GMDS: variants seen among roughly 807,000 people sequenced by gnomAD.
GMDS encodes the protein GDP-mannose 4,6 dehydratase.
A neutral mutation model predicts 49.9 loss-of-function variants in GMDS; 20 were observed. The ratio of observed to expected loss-of-function variants is 0.40; its 90% CI spans 0.28 to 0.58. GMDS has a LOEUF of 0.58. Ranked by LOEUF, GMDS falls within the 20% of genes least tolerant of loss-of-function variation. The probability of loss-of-function intolerance (pLI) is 0.42; values close to 1 mark genes in which losing one functional copy is unlikely to be tolerated. For missense variants in GMDS, 362 were observed against 481.4 expected, an observed-to-expected ratio of 0.75 and a Z score of 2.32; for synonymous variants, 177 against 178.6, an observed-to-expected ratio of 0.99 and a Z score of 0.07.
At chr6:1,645,504 T>C (rs987099200) in intron 9 of GMDS, among the ~76,000 whole-genome samples, 17 of 152,232 alleles carry the variant, frequency 1.1e-4, no homozygotes, top group Non-Finnish European at 2.4e-4. Context: ...CCTGTCCTCC[T>C]GGAGGTCCGG....
At chr6:1,907,935 C>A (rs1308421923) in intron 7 of GMDS, among the ~76,000 whole-genome samples, 1 of 152,190 alleles carries the variant, frequency 6.6e-6, no homozygotes, top group East Asian at 1.9e-4. Context: ...CCCATGCATA[C>A]ATATCCACGA....
chr6:2,030,749 G>A (rs954852961), intron 4 of GMDS, among the ~76,000 whole-genome samples: 1 of 152,144 alleles, frequency 6.6e-6, no homozygotes, highest in African/African-American at 2.4e-5. Context: ...GTGTGCGCTA[G>A]ATAAACATAG....
At chr6:1,639,367 T>TTTTCCCTG (rs1763258463) in intron 9 of GMDS, among the ~76,000 whole-genome samples, 1 of 152,136 alleles carries the variant, frequency 6.6e-6, no homozygotes, top group Non-Finnish European at 1.5e-5. Context: ...CCAGAGAAGA[T>TTTTCCCTG]ATTCCCTGAG....
intron 7 of GMDS, among the ~76,000 whole-genome samples, chr6:1,910,261 A>T (rs1238712312): frequency 6.8e-6 from 1 of 147,082 alleles, no homozygotes; most frequent in Middle Eastern, 3.5e-3. Flanking sequence ...TGGTATGTTT[A>T]AAAAAAAAAA....
chr6:2,131,755 C>T (rs564905353), intron 1 of GMDS, among the ~76,000 whole-genome samples: 250 of 151,386 alleles, frequency 1.7e-3, no homozygotes, highest in African/African-American at 5.2e-3. Context: ...CTCATCACTA[C>T]GTGAATACAA....
chr6:1,686,480 C>T (rs1764980013), intron 9 of GMDS, among the ~76,000 whole-genome samples: 1 of 152,180 alleles, frequency 6.6e-6, no homozygotes, highest in Non-Finnish European at 1.5e-5. Context: ...TCATTCTCTG[C>T]AAAACATTTT....
At chr6:1,891,239 T>G (rs1438484026) in intron 7 of GMDS, among the ~76,000 whole-genome samples, 1 of 152,202 alleles carries the variant, frequency 6.6e-6, no homozygotes, top group Non-Finnish European at 1.5e-5. Context: ...TGTCATTATA[T>G]CAAATCAAAT....
intron 7 of GMDS, among the ~76,000 whole-genome samples, chr6:1,750,908 A>C (rs1464865762): frequency 2.0e-5 from 3 of 152,112 alleles, no homozygotes; most frequent in Admixed American, 6.5e-5. Flanking sequence ...GCCATTACTG[A>C]GGCTTGAGTA....
chr6:1,657,871 A>AAG (rs1554104757), intron 9 of GMDS, among the ~76,000 whole-genome samples: 1 of 44,138 alleles, frequency 2.3e-5, no homozygotes, highest in East Asian at 4.2e-4. Flanking sequence ...AAAAAAAAAG[A>AAG]AAAAGAAAAT....
At position 2,037,986 on chromosome 6, in the gene GMDS, AAT is replaced by A. The variant is rs201807451; in HGVS notation, c.346-77022_346-77021del. 2.8e-3 allele frequency among the ~76,000 whole-genome samples: 430 copies of A among 152,324 alleles called. 1 individual carries two copies. The highest frequency in any genetic ancestry group is 9.0e-3 in the African/African-American group (376 of 41,574). On this transcript the variant is annotated intron_variant, in intron 4 of 10. Transcript: ENST00000380815. ...AAACATTTTAACTATTCCCTGCCACAATATCTCCAGTTTACCTGCCTTGGTAC... is the reference window on the plus strand; with the variant it reads ...AAACATTTTAACTATTCCCTGCCACAATCTCCAGTTTACCTGCCTTGGTAC...
intron 4 of GMDS, among the ~76,000 whole-genome samples, chr6:2,026,355 C>T (rs1289319489): frequency 6.6e-6 from 1 of 152,180 alleles, no homozygotes; most frequent in Non-Finnish European, 1.5e-5. Context: ...TCCCAGTCCT[C>T]ACACAAGTAT....
intron 4 of GMDS, among the ~76,000 whole-genome samples, chr6:2,062,891 G>T (rs1771274655): frequency 6.6e-6 from 1 of 152,232 alleles, no homozygotes; most frequent in Non-Finnish European, 1.5e-5. Context: ...CCTATAAAAT[G>T]AAGCTAGTAA....
chr6:1,682,071 A>G (rs897484993), intron 9 of GMDS, among the ~76,000 whole-genome samples: 14 of 152,032 alleles, frequency 9.2e-5, no homozygotes, highest in African/African-American at 3.4e-4. Context: ...CCCTTCACTT[A>G]CAAGTCTCCT....
intron 9 of GMDS, among the ~76,000 whole-genome samples, chr6:1,637,939 A>AGGATGGCTTGAGTCCGGG (rs748090282): frequency 1.3e-4 from 20 of 152,156 alleles, no homozygotes; most frequent in Non-Finnish European, 1.9e-4. Context: ...TCTGACTCCA[A>AGGATGGCTTGAGTCCGGG]AGACTAGGTT....
At chr6:1,834,417 C>T (rs1051417907) in intron 7 of GMDS, among the ~76,000 whole-genome samples, 15 of 152,240 alleles carry the variant, frequency 9.9e-5, no homozygotes, top group Non-Finnish European at 1.5e-4. Context: ...CATGATACAT[C>T]ATCTGTCTGT....
intron 9 of GMDS, among the ~76,000 whole-genome samples, chr6:1,681,925 G>A (rs1737273557): frequency 6.6e-6 from 1 of 151,998 alleles, no homozygotes; most frequent in Non-Finnish European, 1.5e-5. Context: ...CAATTCTTGG[G>A]CTCAAGTGAT....
At chr6:1,969,992 T>C (rs1244341815) in intron 4 of GMDS, among the ~76,000 whole-genome samples, 4 of 152,208 alleles carry the variant, frequency 2.6e-5, no homozygotes, top group African/African-American at 4.8e-5. Flanking sequence ...AGTTTAGGCA[T>C]ATAATTCCCC....
At chr6:2,244,806 T>C (rs1021693887) in intron 1 of GMDS, among the ~76,000 whole-genome samples, 1 of 152,232 alleles carries the variant, frequency 6.6e-6, no homozygotes, top group African/African-American at 2.4e-5. Context: ...CATTACTTTC[T>C]TTCATGTTCT....
chr6:1,809,545 G>T (rs889312279), intron 7 of GMDS, among the ~76,000 whole-genome samples: 1 of 152,116 alleles, frequency 6.6e-6, no homozygotes, highest in Non-Finnish European at 1.5e-5. Flanking sequence ...ATTCTTTCTC[G>T]CCATTACTCA....
Sources: gnomAD v4.1 joint callset for allele counts (sites outside exome capture counted in the v4.1 genomes callset) on GRCh38, gnomAD v4.1.1 for gene constraint, MANE v1.5 for transcripts, NCBI Gene and HGNC (gene_info 2026-07-23, HGNC 2026-07-21) for gene names.